Variants in INTS12 observed in about 807,000 individuals in gnomAD.
INTS12 encodes integrator complex subunit 12.
Under a neutral mutation model 41.6 loss-of-function variants are expected in INTS12, and 13 were observed. That is an observed-to-expected ratio of 0.31 (90% CI 0.20 to 0.50). INTS12 has a LOEUF of 0.50. Among genes scored for constraint, INTS12 ranks in the 20% least tolerant of loss-of-function variants. INTS12 has a pLI of 0.98. For missense variants in INTS12, 432 were observed against 541.6 expected, an observed-to-expected ratio of 0.80 and a Z score of 2.01; for synonymous variants, 199 against 191.4, an observed-to-expected ratio of 1.04 and a Z score of -0.33.
intron 6 of INTS12, among the ~76,000 whole-genome samples, chr4:105,689,087 C>T (rs1731591920): frequency 6.6e-6 from 1 of 152,214 alleles, no homozygotes; most frequent in Non-Finnish European, 1.5e-5. Flanking sequence ...TGTGTTACTA[C>T]CTTAGATTGA....
At chr4:105,692,258 C>A (rs756173911) in intron 5 of INTS12, 123 bp from the exon 6 acceptor site, 13 of 843,220 alleles carry the variant, frequency 1.5e-5, no homozygotes, top group Non-Finnish European at 2.3e-5. Context: ...CCAAGGCAGG[C>A]GGATCATTTG....
intron 6 of INTS12, among the ~76,000 whole-genome samples, chr4:105,689,161 T>C (rs1560774631): frequency 6.6e-6 from 1 of 152,202 alleles, no homozygotes; most frequent in Admixed American, 6.5e-5. Context: ...CACTACTGCG[T>C]AGAGAGAAAA....
Position 105,704,223 on chromosome 4 carries a change from G to A in INTS12, c.-171-414C>T, listed in dbSNP as rs116832590. Among the ~76,000 whole-genome samples, 1,313 of 152,020 alleles carry A rather than the reference G, an allele frequency of 8.6e-3. 19 individuals are homozygous for A. Among genetic ancestry groups the A allele is most frequent in the African/African-American group, 0.029 (1,200 of 41,436 alleles). ...ATGAAAATGCTCTCATGAGTCATTC[G>A]CCGCCTCAGTCAGGTAAACCTAATA... On this transcript the variant is annotated intron_variant, in intron 1 of 7. Coordinates refer to ENST00000340139, the MANE Select transcript of INTS12 (RefSeq NM_020395.4).
chr4:105,684,868 A>G (rs1188825666), intron 7 of INTS12, among the ~76,000 whole-genome samples: 1 of 152,134 alleles, frequency 6.6e-6, no homozygotes, highest in Non-Finnish European at 1.5e-5. Context: ...ACCCACCTTT[A>G]GTAATTAAAA....
intron 6 of INTS12, among the ~76,000 whole-genome samples, chr4:105,691,559 A>C (rs181737920): frequency 2.1e-3 from 327 of 152,328 alleles, no homozygotes; most frequent in Non-Finnish European, 3.5e-3. Flanking sequence ...TCGCCTCTGT[A>C]CACATCTTAT....
rs543061784 is a variant in INTS12 at position 105,693,010 on chromosome 4, T to C, written c.497+289A>G. 3.6e-4 allele frequency among the ~76,000 whole-genome samples: 55 copies of C among 152,346 alleles called. No individual in the cohort carries two copies. The South Asian group carries it at 6.6e-3, about 18-fold the overall frequency. On this transcript the variant is annotated intron_variant, in intron 5 of 7. Coordinates refer to ENST00000340139, the MANE Select transcript of INTS12 (RefSeq NM_020395.4). Reference sequence around the variant, plus strand: ...CCATAGCCTTAGATTATCAAAGGCATATATATCATAATATAATAATCACTT... The same window carrying C: ...CCATAGCCTTAGATTATCAAAGGCACATATATCATAATATAATAATCACTT...
intron 1 of INTS12, chr4:105,705,639 C>G (rs796081043): frequency 5.3e-5 from 8 of 152,240 alleles, no homozygotes; most frequent in African/African-American, 1.9e-4. Context: ...CTCACTCTCT[C>G]TGTTATAGCT....
intron 2 of INTS12, among the ~76,000 whole-genome samples, chr4:105,701,313 A>C (rs1732065076): frequency 6.7e-6 from 1 of 150,044 alleles, no homozygotes; most frequent in Non-Finnish European, 1.5e-5. Flanking sequence ...CGAATTCTGT[A>C]CTGTACTAAA....
chr4:105,686,901 A>G, intron 6 of INTS12, 63 bp from the exon 7 acceptor site: 1 of 1,411,990 alleles, frequency 7.1e-7, no homozygotes, highest in Non-Finnish European at 1.0e-6. Flanking sequence ...AAAGATAATA[A>G]TCCCTCACAG....
At chr4:105,707,349 C>T (rs1297271589) in intron 1 of INTS12, among the ~76,000 whole-genome samples, 2 of 151,206 alleles carry the variant, frequency 1.3e-5, no homozygotes, top group African/African-American at 4.9e-5. Flanking sequence ...GTGTTATGTC[C>T]CCTACAAAAC....
rs774174531 is a variant in INTS12 at position 105,695,661 on chromosome 4, T to A, written c.164A>T (p.Glu55Val). ...SSYRPSQKDV[E>V]PPKISSTKNI... ...TTTTGTGCTTGAAATTTTGGGTGGC[T>A]CCACATCCTAAAAGATGAAAAAAGG... The change falls in exon 4 of 8, where the codon GAG becomes GTG. Residue 55 changes from glutamate (E) to valine (V), a missense_variant. Glu to Val is a moderately radical substitution (Grantham distance 121). Coordinates refer to ENST00000340139, the MANE Select transcript of INTS12 (RefSeq NM_020395.4). The A allele has an allele frequency of 6.2e-7, 1 of 1,611,442 alleles. No individual in the cohort carries two copies.
intron 3 of INTS12, among the ~76,000 whole-genome samples, chr4:105,697,088 T>C (rs1578388023): frequency 6.6e-6 from 1 of 152,268 alleles, no homozygotes; most frequent in Non-Finnish European, 1.5e-5. Context: ...TCATAGATTT[T>C]GGGCACAAGG....
At chr4:105,708,032 A>G in intron 1 of INTS12, 2 of 985,416 alleles carry the variant, frequency 2.0e-6, no homozygotes, top group Non-Finnish European at 2.4e-6. Context: ...TAATGGCTCT[A>G]AAAAACTTTG....
At chr4:105,701,876 C>T (rs1340501482) in intron 2 of INTS12, among the ~76,000 whole-genome samples, 2 of 152,162 alleles carry the variant, frequency 1.3e-5, no homozygotes, top group Non-Finnish European at 2.9e-5. Context: ...TGTATTTCTA[C>T]AATCACAGGT....
At chr4:105,683,363 G>A (rs1162032524) in intron 7 of INTS12, 46 bp from the exon 8 acceptor site, 10 of 1,344,234 alleles carry the variant, frequency 7.4e-6, no homozygotes, top group Non-Finnish European at 1.0e-5. Flanking sequence ...AGTTTAATCA[G>A]TACCTGTATA....
chr4:105,702,204 C>G (rs1167148714), intron 2 of INTS12, among the ~76,000 whole-genome samples: 1 of 136,404 alleles, frequency 7.3e-6, no homozygotes, highest in Non-Finnish European at 1.5e-5. Flanking sequence ...GGCATGATCT[C>G]GGCTCATGGC....
chr4:105,694,239 T>A (rs531127606), intron 4 of INTS12, among the ~76,000 whole-genome samples: 1 of 152,242 alleles, frequency 6.6e-6, no homozygotes, highest in East Asian at 1.9e-4. Flanking sequence ...TAGATCTACA[T>A]GCATTAACAA....
At chr4:105,708,457 GCA>G (rs1666514057) in intron 1 of INTS12, 179 bp downstream of exon 1, 1 of 985,350 alleles carries the variant, frequency 1.0e-6, no homozygotes, top group South Asian at 4.7e-5. Flanking sequence ...CTCGGAGGAA[GCA>G]CAGTCCTCAC....
Position 105,698,510 on chromosome 4 carries a change from GTTCT to G in INTS12, c.156+1336_156+1339del, listed in dbSNP as rs565401935. On this transcript the variant is annotated intron_variant, in intron 3 of 7. Coordinates refer to ENST00000340139, the MANE Select transcript of INTS12 (RefSeq NM_020395.4). Reference sequence around the variant, plus strand: ...TTTTTAATCACAACAAATTTTTCATGTTCTTTAAGAGATAAACTTCCATTTTAGA... The same window carrying G: ...TTTTTAATCACAACAAATTTTTCATGTTAAGAGATAAACTTCCATTTTAGA... 3.6e-3 allele frequency among the ~76,000 whole-genome samples: 548 copies of G among 152,148 alleles called. 5 individuals are homozygous for G. Among genetic ancestry groups the G allele is most frequent in the African/African-American group, 0.012 (513 of 41,494 alleles).
Sources: allele counts gnomAD v4.1 joint callset (sites outside exome capture counted in the v4.1 genomes callset), GRCh38; gene constraint gnomAD v4.1.1; transcripts MANE v1.5; gene names NCBI Gene and HGNC (gene_info 2026-07-23, HGNC 2026-07-21).